Variants in ATP1A3 observed in about 807,000 individuals in gnomAD.
ATP1A3 encodes the protein ATPase Na+/K+ transporting subunit alpha 3, also known as sodium/potassium-transporting ATPase subunit alpha-3.
A neutral mutation model predicts 108.8 loss-of-function variants in ATP1A3; 12 were observed. The ratio of observed to expected loss-of-function variants is 0.11; its 90% confidence interval spans 0.07 to 0.18. The LOEUF (loss-of-function observed/expected upper bound fraction) is 0.18, where lower values mean the gene tolerates loss of function less well. Ranked by LOEUF, ATP1A3 falls within the 10% of genes least tolerant of loss-of-function variation. The pLI is 1.00. For synonymous variants in ATP1A3, 539 were observed against 564.5 expected, an observed-to-expected ratio of 0.95 and a Z score of 0.64; for missense variants, 498 against 1,387.7, an observed-to-expected ratio of 0.36 and a Z score of 10.19.
At chr19:41,983,843 C>T (rs2075260320) in intron 8 of ATP1A3, among the ~76,000 whole-genome samples, 1 of 142,516 alleles carries the variant, frequency 7.0e-6, no homozygotes, top group Middle Eastern at 3.8e-3. Context: ...GGCACGATCT[C>T]GGCTCACTGC....
chr19:41,975,413 C>T (rs373329810), intron 16 of ATP1A3, among the ~76,000 whole-genome samples: 160 of 152,306 alleles, frequency 1.1e-3, no homozygotes, highest in African/African-American at 3.7e-3. Context: ...GGCTGGATGA[C>T]GCAGGGACCC....
chr19:41,992,501 G>C (rs1345497149), intron 1 of ATP1A3, among the ~76,000 whole-genome samples: 1 of 152,042 alleles, frequency 6.6e-6, no homozygotes, highest in East Asian at 1.9e-4. Flanking sequence ...CCCCTCGCAG[G>C]GGACCTGGCC....
intron 1 of ATP1A3, 172 bp downstream of exon 1, chr19:41,993,899 G>GC: frequency 8.1e-7 from 1 of 1,230,514 alleles, no homozygotes; most frequent in Non-Finnish European, 1.1e-6. Context: ...ACCCCCCGCC[G>GC]CCCCCTGCGG....
chr19:41,988,090 T>G lies in ATP1A3; in HGVS notation c.203A>C (p.Asn68Thr). ...GGTGGTAGGCGGTGGCGTGAGTGCG[T>G]TAGGCCCATCCCGGGCCAGGATCTC... ...AQEILARDGP[N>T]ALTPPPTTPE... Residue 68 changes from asparagine to threonine, a missense_variant, in exon 4 of 23, where the codon AAC becomes ACC. Physicochemically the swap from Asn to Thr is moderately conservative, Grantham distance 65. This residue lies in a region of ATP1A3 where 127 missense variants were observed against 464.0 expected (regional missense o/e 0.27). Transcript: ENST00000648268. The surrounding 1 kb of genome is among the most constrained non-coding windows in gnomAD (Gnocchi z 5.3). The G allele has an allele frequency of 6.2e-7, 1 of 1,614,090 alleles. No individual in the cohort carries two copies. Among genetic ancestry groups the G allele is most frequent in the Non-Finnish European group, 8.5e-7 (1 of 1,179,996 alleles).
rs782158695 is a variant in ATP1A3, at chr19:41,994,094, G to A, written c.-18C>T. 4 of 1,591,134 alleles carry A rather than the reference G, an allele frequency of 2.5e-6. No homozygotes were observed. The highest frequency in any genetic ancestry group is 3.4e-6 in the Non-Finnish European group (4 of 1,172,326). On this transcript the variant is annotated 5_prime_UTR_variant, in exon 1 of 23. Coordinates refer to ENST00000648268, the MANE Select transcript of ATP1A3 (RefSeq NM_152296.5). ...ACCCCCATCTTGGCGGCTCCGCGGC[G>A]AGAGAGCCAGGCGGGCGGGGCGGGG...
chr19:41,980,492 T>C lies in ATP1A3; in HGVS notation c.1437+1010A>G, dbSNP rs554263123. Among the ~76,000 whole-genome samples the C allele has an allele frequency of 4.4e-3, 663 of 152,206 alleles. 9 individuals carry two copies. Among genetic ancestry groups the C allele is most frequent in the African/African-American group, 0.015 (635 of 41,510 alleles). On this transcript the variant is annotated intron_variant, in intron 11 of 22. Coordinates refer to ENST00000648268, the MANE Select transcript of ATP1A3 (RefSeq NM_152296.5). ...AGCTGGGTGTGGTGGTGCACGCCTC[T>C]AATTCCAGCTACTCGGGAGGCTGAG...
At chr19:41,974,424 C>T (rs1426094168) in intron 16 of ATP1A3, among the ~76,000 whole-genome samples, 3 of 152,114 alleles carry the variant, frequency 2.0e-5, no homozygotes, top group Admixed American at 2.0e-4. Context: ...TCCTGGGTGA[C>T]AGATTGAGAC....
At chr19:41,969,003 C>G in intron 19 of ATP1A3, 88 bp from the exon 20 acceptor site, 2 of 1,595,662 alleles carry the variant, frequency 1.3e-6, no homozygotes, top group Non-Finnish European at 1.7e-6. Context: ...CTCTTTGCCC[C>G]GCCCCATCCT....
intron 16 of ATP1A3, among the ~76,000 whole-genome samples, chr19:41,972,664 C>G (rs1031981456): frequency 1.0e-4 from 15 of 150,710 alleles, no homozygotes; most frequent in Non-Finnish European, 1.8e-4. Flanking sequence ...ATGTGGGAAG[C>G]TGAGGCAGAA....
chr19:41,985,695 A>G lies in ATP1A3; in HGVS notation c.606+169T>C, dbSNP rs1356904478. On this transcript the variant is annotated intron_variant, in intron 6 of 22. Transcript: ENST00000648268. This position sits in a 1 kb window ranked among gnomAD's most constrained non-coding sequence, Gnocchi z 8.2. The stretch of plus-strand genomic sequence containing the variant: ...TGACTGTTGGGTGAGGAGGTGGCCC[A>G]GGGCCTAAACTCCTGGGTCTGAGGG... 6.6e-6 allele frequency among the ~76,000 whole-genome samples: 1 copy of G among 151,928 alleles called. No individual in the cohort carries two copies. The highest frequency in any genetic ancestry group is 1.5e-5 in the Non-Finnish European group (1 of 67,966).
Position 41,970,119 on chromosome 19 carries a change from G to A in ATP1A3, c.2542+66C>T, listed in dbSNP as rs569528758. The A allele has an allele frequency of 1.1e-4, 172 of 1,613,340 alleles. 3 individuals carry two copies. In the South Asian group the frequency reaches 1.1e-3, roughly 10 times the overall value. On this transcript the variant is annotated intron_variant, in intron 18 of 22. Transcript: ENST00000648268. ...CAATGCCAGGGTCCCAAGCACCCAC[G>A]GTGGGCCAGGCACTGCTCTAGGCCC...
At chr19:41,979,278 C>T (rs1323374738) in intron 11 of ATP1A3, among the ~76,000 whole-genome samples, 1 of 151,692 alleles carries the variant, frequency 6.6e-6, no homozygotes, top group African/African-American at 2.4e-5. Flanking sequence ...GCTGGGATAA[C>T]AGGCATAAGC....
rs377456614 is a variant in ATP1A3 at position 41,970,780 on chromosome 19, T to C, written c.2264-238A>G. On this transcript the variant is annotated intron_variant, in intron 16 of 22. Coordinates refer to ENST00000648268, the MANE Select transcript of ATP1A3 (RefSeq NM_152296.5). ...CCGAGTAGCTGGCACTACAGGCACC[T>C]GCCACCACGCCCGGCTAATTTTTTT... 2.8e-3 allele frequency among the ~76,000 whole-genome samples: 424 copies of C among 151,304 alleles called. 9 individuals carry two copies. The East Asian group carries it at 0.066, about 24-fold the overall frequency.
chr19:41,982,678 G>A (rs1423077965), intron 8 of ATP1A3, among the ~76,000 whole-genome samples: 1 of 151,710 alleles, frequency 6.6e-6, no homozygotes, highest in Admixed American at 6.6e-5. Flanking sequence ...TCCACTAACA[G>A]CAGAAAAGAT....
intron 11 of ATP1A3, among the ~76,000 whole-genome samples, chr19:41,979,722 G>A (rs1310307200): frequency 6.6e-6 from 1 of 152,192 alleles, no homozygotes; most frequent in Non-Finnish European, 1.5e-5. Context: ...TGACAGCTGA[G>A]AGATGTGGGG....
At chr19:41,969,063 G>T in intron 19 of ATP1A3, 148 bp from the exon 20 acceptor site, 2 of 1,234,690 alleles carry the variant, frequency 1.6e-6, no homozygotes, top group Admixed American at 1.9e-5. Context: ...CGGGCTCATA[G>T]TCCCGAGGGA....
intron 16 of ATP1A3, among the ~76,000 whole-genome samples, chr19:41,972,287 C>T (rs1244199502): frequency 3.3e-5 from 5 of 151,792 alleles, no homozygotes; most frequent in African/African-American, 1.2e-4. Flanking sequence ...ATTAGTCAGG[C>T]ACGGTGGCTC....
rs1555865286 is a variant in ATP1A3 at position 41,986,018 on chromosome 19, T to C, written c.472-20A>G. The C allele has an allele frequency of 1.9e-6, 3 of 1,613,964 alleles. No homozygotes were observed. Among genetic ancestry groups the C allele is most frequent in the Admixed American group, 3.3e-5 (2 of 59,998 alleles). The stretch of plus-strand genomic sequence containing the variant: ...GGCTTGCTGAGGTGGGATGGAGTAA[T>C]GTCACCTCCCAGACTCCCTCTGCCT... On this transcript the variant is annotated intron_variant, in intron 5 of 22. Transcript: ENST00000648268.
intron 1 of ATP1A3, among the ~76,000 whole-genome samples, chr19:41,991,625 A>T (rs1380611047): frequency 1.3e-5 from 2 of 151,804 alleles, no homozygotes; most frequent in Admixed American, 1.3e-4. Flanking sequence ...AGAGGGAGAA[A>T]ATCAGCTGCC....
Sources: allele counts gnomAD v4.1 joint callset (sites outside exome capture counted in the v4.1 genomes callset), GRCh38; gene constraint gnomAD v4.1.1; regional missense constraint gnomAD v4.1.1; non-coding constraint Gnocchi (gnomAD v3.1); transcripts MANE v1.5; gene names NCBI Gene and HGNC (gene_info 2026-07-23, HGNC 2026-07-21).